Variants in CUX1 observed in about 807,000 individuals in gnomAD.
CUX1 encodes the protein cut like homeobox 1, also known as protein CASP.
In CUX1, 31 loss-of-function variants were observed where a neutral mutation model predicts 158.8. That is an observed-to-expected ratio of 0.20 (90% CI 0.15 to 0.26). The LOEUF is 0.26. Among genes scored for constraint, CUX1 ranks in the 10% least tolerant of loss-of-function variants. The pLI is 1.00. For missense variants in CUX1, 1,589 were observed against 2,014.6 expected (o/e 0.79, Z 4.04); for synonymous variants, 879 against 862.1 (o/e 1.02, Z -0.34).
intron 4 of CUX1, among the ~76,000 whole-genome samples, chr7:102,090,731 C>A (rs572985261): frequency 7.1e-6 from 1 of 140,928 alleles, no homozygotes; most frequent in Non-Finnish European, 1.5e-5. Flanking sequence ...TCCTGCATTT[C>A]TTATATTAAT....
chr7:102,074,237 T>C (rs1826452465), intron 4 of CUX1, among the ~76,000 whole-genome samples: 1 of 152,182 alleles, frequency 6.6e-6, no homozygotes, highest in South Asian at 2.1e-4. Flanking sequence ...TAAGTTCTGC[T>C]AGTTGCAAGA....
At chr7:102,211,287 A>T (rs1554523068) in intron 20 of CUX1, among the ~76,000 whole-genome samples, 2 of 151,376 alleles carry the variant, frequency 1.3e-5, no homozygotes, top group African/African-American at 4.9e-5. Flanking sequence ...CTCTACTAAA[A>T]ATATAAAAAT....
intron 3 of CUX1, among the ~76,000 whole-genome samples, chr7:102,043,420 C>T (rs774323484): frequency 6.1e-5 from 9 of 147,698 alleles, no homozygotes; most frequent in Non-Finnish European, 1.2e-4. Context: ...TATATGATTA[C>T]AAGATTATTA....
chr7:101,983,859 T>C (rs1416483866), intron 2 of CUX1, among the ~76,000 whole-genome samples: 1 of 151,850 alleles, frequency 6.6e-6, no homozygotes, highest in Non-Finnish European at 1.5e-5. Flanking sequence ...GGGGATCACA[T>C]TTCAACATGA....
At chr7:102,259,754 A>G (rs782043748), downstream of CUX1, among the ~76,000 whole-genome samples, 3,069 of 32,922 alleles carry the variant, frequency 0.093, 69 homozygotes, top group Non-Finnish European at 0.17. Flanking sequence ...AAAAAAAAAA[A>G]AAAGAAAGAA....
intron 2 of CUX1, among the ~76,000 whole-genome samples, chr7:101,927,384 T>G (rs1178148978): frequency 1.3e-5 from 2 of 152,118 alleles, no homozygotes; most frequent in Non-Finnish European, 2.9e-5. Context: ...GTTGGCCAAG[T>G]GCGGTAGCTC....
intron 2 of CUX1, among the ~76,000 whole-genome samples, chr7:101,917,810 G>C (rs913062443): frequency 6.6e-6 from 1 of 151,998 alleles, no homozygotes; most frequent in Non-Finnish European, 1.5e-5. Flanking sequence ...CCTTTCCTCG[G>C]TGACCATATG....
chr7:101,975,128 G>A (rs913992558), intron 2 of CUX1, among the ~76,000 whole-genome samples: 5 of 152,166 alleles, frequency 3.3e-5, no homozygotes, highest in African/African-American at 9.7e-5. Context: ...GGAGGTGCCT[G>A]TAATCTCAGC....
intron 1 of CUX1, among the ~76,000 whole-genome samples, chr7:101,826,983 T>A (rs1793375754): frequency 6.6e-6 from 1 of 152,200 alleles, no homozygotes; most frequent in Non-Finnish European, 1.5e-5. Flanking sequence ...AATGGCTGTG[T>A]TTTGAAAGCT....
Position 101,853,584 on chromosome 7 carries a change from GGTGTGT to G in CUX1, c.30+35948_30+35953del, listed in dbSNP as rs59324904. ...TATATCAGAGCATGGCAATAGAAAG[GGTGTGT>G]GTGTGTGTGTGTGTGTGTGTGTGTG... is the stretch of plus-strand genomic sequence containing the variant. On this transcript the variant is annotated intron_variant, in intron 1 of 23. Transcript: ENST00000292535. 6.2e-3 allele frequency among the ~76,000 whole-genome samples: 879 copies of G among 140,858 alleles called. 8 individuals are homozygous for G. Among genetic ancestry groups the G allele is most frequent in the Admixed American group, 0.04 (572 of 14,234 alleles). 92.4% of individuals were successfully genotyped at this position (140,858 alleles called of 152,430 possible).
chr7:102,163,792 C>G (rs1201334216), intron 9 of CUX1, among the ~76,000 whole-genome samples: 1 of 152,192 alleles, frequency 6.6e-6, no homozygotes, highest in Non-Finnish European at 1.5e-5. Context: ...GGACCAACAC[C>G]TTTCCCATCA....
chr7:102,123,722 A>T (rs1554494252), intron 8 of CUX1, among the ~76,000 whole-genome samples: 1 of 151,746 alleles, frequency 6.6e-6, no homozygotes, highest in African/African-American at 2.4e-5. Flanking sequence ...GAGTACAGTG[A>T]TGCGATCTTG....
At chr7:102,044,299 C>T (rs1240172111) in intron 3 of CUX1, among the ~76,000 whole-genome samples, 2 of 152,128 alleles carry the variant, frequency 1.3e-5, no homozygotes, top group Non-Finnish European at 2.9e-5. Context: ...CAGCGATTCT[C>T]CTGCCTCAGC....
At position 102,147,211 on chromosome 7, in the gene CUX1, C is replaced by T. The variant is rs117815577; in HGVS notation, c.675-11349C>T. 9.5e-3 allele frequency among the ~76,000 whole-genome samples: 1,440 copies of T among 152,288 alleles called. 11 individuals are homozygous for T. Among genetic ancestry groups the T allele is most frequent in the Admixed American group, 0.014 (220 of 15,294 alleles). ...CAAGATGGCTTCATCCTCCCCTCTACTTCTGCCAAAGCAGAAGTGGTTTAA... is the reference window on the plus strand; with the variant it reads ...CAAGATGGCTTCATCCTCCCCTCTATTTCTGCCAAAGCAGAAGTGGTTTAA... On this transcript the variant is annotated intron_variant, in intron 8 of 23. Coordinates refer to ENST00000292535, the MANE Select transcript of CUX1 (RefSeq NM_181552.4).
chr7:102,074,928 C>T (rs553133780), intron 4 of CUX1, among the ~76,000 whole-genome samples: 39 of 152,272 alleles, frequency 2.6e-4, no homozygotes, highest in South Asian at 4.1e-4. Flanking sequence ...GTGTGATCTC[C>T]GCACACTGCA....
intron 1 of CUX1, among the ~76,000 whole-genome samples, chr7:101,860,039 T>C (rs976099800): frequency 2.8e-5 from 4 of 142,412 alleles, no homozygotes; most frequent in African/African-American, 1.0e-4. Flanking sequence ...TCTCTCTGTC[T>C]CTGCCTGCTT....
intron 2 of CUX1, among the ~76,000 whole-genome samples, chr7:101,956,901 A>T (rs528402411): frequency 6.6e-6 from 1 of 152,316 alleles, no homozygotes; most frequent in South Asian, 2.1e-4. Context: ...GTGGGCTGTG[A>T]TCACACCACT....
intron 8 of CUX1, chr7:102,125,554 C>T (rs1554494920): frequency 1.3e-5 from 2 of 152,064 alleles, no homozygotes; most frequent in African/African-American, 4.8e-5. Flanking sequence ...AGTGACTTGC[C>T]TCACGCTGCC....
chr7:102,060,001 C>G (rs1328466775), intron 3 of CUX1, among the ~76,000 whole-genome samples: 1 of 151,848 alleles, frequency 6.6e-6, no homozygotes, highest in Non-Finnish European at 1.5e-5. Context: ...AGGGGCCAGG[C>G]GCAGTGGCTC....
Sources: gnomAD v4.1 joint callset for allele counts (sites outside exome capture counted in the v4.1 genomes callset) on GRCh38, gnomAD v4.1.1 for gene constraint, MANE v1.5 for transcripts, NCBI Gene and HGNC (gene_info 2026-07-23, HGNC 2026-07-21) for gene names.